Variants in ZNF827 observed in about 807,000 individuals in gnomAD.
ZNF827 encodes zinc finger protein 827.
In ZNF827, 13 loss-of-function variants were observed where a neutral mutation model predicts 102.4. The observed-to-expected ratio is 0.13, with a 90% CI of 0.08 to 0.20. The LOEUF is 0.20. Among genes scored for constraint, ZNF827 ranks in the 10% least tolerant of loss-of-function variants. The pLI is 1.00. For missense variants in ZNF827, 1,103 were observed against 1,344.4 expected, an observed-to-expected ratio of 0.82 and a Z score of 2.81; for synonymous variants, 523 against 536.2, an observed-to-expected ratio of 0.98 and a Z score of 0.34.
chr4:145,871,103 G>T (rs1199508975), intron 4 of ZNF827, among the ~76,000 whole-genome samples: 3 of 151,814 alleles, frequency 2.0e-5, no homozygotes, highest in African/African-American at 4.8e-5. Flanking sequence ...GTCCAAAATG[G>T]CCTTTTTTTT....
chr4:145,823,394 A>C (rs1320188335), intron 8 of ZNF827, 28 bp downstream of exon 8: 3 of 1,572,936 alleles, frequency 1.9e-6, no homozygotes, highest in Non-Finnish European at 2.6e-6. Context: ...AATCAACAGT[A>C]GAAGCAAAGC....
At position 145,938,503 on chromosome 4, in the gene ZNF827, T is replaced by C. The variant is rs1025091714; in HGVS notation, c.-96A>G. On this transcript the variant is annotated 5_prime_UTR_variant, in exon 1 of 15. Transcript: ENST00000508784. Reference sequence around the variant, plus strand: ...GCAGACACTGGCAGGAGCGGGGAGGTAGTTGGGGGGCGGGCGGGCGGGCAG... The same window carrying C: ...GCAGACACTGGCAGGAGCGGGGAGGCAGTTGGGGGGCGGGCGGGCGGGCAG... The C allele has an allele frequency of 6.1e-5, 4 of 66,096 alleles. No homozygotes were observed. The highest frequency in any genetic ancestry group is 1.1e-4 in the Non-Finnish European group (4 of 34,786). The allele number at this position is 66,096 out of a possible 1,614,324, so 4.1% of individuals were successfully genotyped here.
chr4:145,798,935 C>T (rs1350036740), intron 8 of ZNF827, among the ~76,000 whole-genome samples: 1 of 152,158 alleles, frequency 6.6e-6, no homozygotes, highest in Non-Finnish European at 1.5e-5. Context: ...TGGGACCAAA[C>T]CAGAAATCTC....
At chr4:145,782,251 T>C (rs1738180626) in intron 8 of ZNF827, among the ~76,000 whole-genome samples, 1 of 152,120 alleles carries the variant, frequency 6.6e-6, no homozygotes, top group Non-Finnish European at 1.5e-5. Context: ...GAACATGACC[T>C]CGAAATCACG....
chr4:145,884,494 G>A (rs535482971), intron 4 of ZNF827, among the ~76,000 whole-genome samples: 7 of 152,118 alleles, frequency 4.6e-5, no homozygotes, highest in Non-Finnish European at 1.0e-4. Context: ...GGAAATCATC[G>A]TGGGGACTTC....
At chr4:145,924,295 A>C (rs1753273109) in intron 1 of ZNF827, among the ~76,000 whole-genome samples, 1 of 152,226 alleles carries the variant, frequency 6.6e-6, no homozygotes, top group Admixed American at 6.5e-5. Flanking sequence ...AGAATACACA[A>C]ACAAGTTCAA....
rs532032413 is a variant in ZNF827 at position 145,914,776 on chromosome 4, G to T, written c.44-11561C>A. On this transcript the variant is annotated intron_variant, in intron 1 of 14. Transcript: ENST00000508784. ...TAATTCTCTTTGAAGAATCCTGAAG[G>T]TGTACCTTCCTTTCTTCTCAGGCAT... 2.0e-5 allele frequency among the ~76,000 whole-genome samples: 3 copies of T among 152,276 alleles called. No homozygotes were observed. The South Asian group carries it at 6.2e-4, about 32-fold the overall frequency.
At chr4:145,911,139 G>GA (rs1752259213) in intron 1 of ZNF827, among the ~76,000 whole-genome samples, 2 of 152,300 alleles carry the variant, frequency 1.3e-5, no homozygotes, top group South Asian at 4.1e-4. Context: ...ATGGAACAGG[G>GA]AAAAAGCCTG....
chr4:145,865,008 G>C (rs1748056005), intron 5 of ZNF827, among the ~76,000 whole-genome samples: 1 of 152,190 alleles, frequency 6.6e-6, no homozygotes. Flanking sequence ...TTTGCTCTGA[G>C]AAATTATTAA....
chr4:145,870,230 G>C lies in ZNF827; in HGVS notation c.1981+15C>G, dbSNP rs1329864181. On this transcript the variant is annotated intron_variant, in intron 5 of 14. Transcript: ENST00000508784. ...AAACTATCAGAATGTGAATATTTTA[G>C]AATAAATCAAGTACCTGAGAGTTTC... The C allele has an allele frequency of 6.2e-7, 1 of 1,611,526 alleles. No individual in the cohort carries two copies. The highest frequency in any genetic ancestry group is 2.2e-5 in the East Asian group (1 of 44,792).
chr4:145,771,155 T>C (rs1736221316), intron 11 of ZNF827: 1 of 152,240 alleles, frequency 6.6e-6, no homozygotes, highest in Non-Finnish European at 1.5e-5. Flanking sequence ...CTCTATGTAG[T>C]AAATATATTA....
At chr4:145,845,913 C>T (rs777905772) in intron 7 of ZNF827, 43 bp downstream of exon 7, 33 of 1,608,058 alleles carry the variant, frequency 2.1e-5, no homozygotes, top group Non-Finnish European at 2.7e-5. Context: ...GGGCTGGTGG[C>T]CCACACGGGG....
Position 145,765,310 on chromosome 4 carries a change from G to T in ZNF827, c.3053-145C>A. The T allele has an allele frequency of 9.8e-7, 1 of 1,019,382 alleles. No individual in the cohort carries two copies. The highest frequency in any genetic ancestry group is 1.4e-6 in the Non-Finnish European group (1 of 717,934). The allele number at this position is 1,019,382 out of a possible 1,614,324, so 63.1% of individuals were successfully genotyped here. ...TCCAGGCACTGTTCCCCATATCTCT[G>T]TGCTAAAAGGAGTTAAATGTACAAA... On this transcript the variant is annotated intron_variant, in intron 12 of 14. Transcript: ENST00000508784. The surrounding 1 kb of genome is among the most constrained non-coding windows in gnomAD (Gnocchi z 4.7).
intron 8 of ZNF827, among the ~76,000 whole-genome samples, chr4:145,781,382 T>G (rs1438448404): frequency 1.3e-5 from 2 of 152,064 alleles, no homozygotes; most frequent in African/African-American, 2.4e-5. Context: ...CTGGAATGAT[T>G]TGCCAGATAG....
chr4:145,786,579 T>C (rs568819915), intron 8 of ZNF827, among the ~76,000 whole-genome samples: 25 of 152,204 alleles, frequency 1.6e-4, no homozygotes, highest in Non-Finnish European at 3.1e-4. Context: ...TAGTCTTGGA[T>C]AGGTTAAAAC....
At position 145,759,569 on chromosome 4, in the gene ZNF827, T is replaced by C. The variant is rs1734235096; in HGVS notation, c.*2047A>G. 1.3e-5 allele frequency: 2 copies of C among 152,300 alleles called. No homozygotes were observed. Among genetic ancestry groups the C allele is most frequent in the African/African-American group, 4.8e-5 (2 of 41,566 alleles). 9.4% of individuals were successfully genotyped at this position (152,300 alleles called of 1,614,324 possible). ...CTTGTCAGGGGCATAAACTGAACCA[T>C]AGGACTAAACAGCACCTTTTTGTTG... On this transcript the variant is annotated 3_prime_UTR_variant, in exon 15 of 15. Coordinates refer to ENST00000508784, the MANE Select transcript of ZNF827 (RefSeq NM_001306215.2).
intron 11 of ZNF827, among the ~76,000 whole-genome samples, chr4:145,766,719 A>G (rs552532815): frequency 9.2e-5 from 14 of 152,334 alleles, no homozygotes; most frequent in African/African-American, 3.4e-4. Flanking sequence ...TTGGAGGGGG[A>G]AAAGCCACCT....
intron 13 of ZNF827, 158 bp downstream of exon 13, chr4:145,764,830 A>T: frequency 1.1e-6 from 1 of 943,528 alleles, no homozygotes; most frequent in Non-Finnish European, 1.7e-6. Flanking sequence ...GTCTAATTCA[A>T]TCCAGCTAAA....
chr4:145,819,646 A>C (rs996162684), intron 8 of ZNF827, among the ~76,000 whole-genome samples: 1 of 152,148 alleles, frequency 6.6e-6, no homozygotes, highest in Non-Finnish European at 1.5e-5. Context: ...AAGCTCTTTT[A>C]TTTCTTTTGT....
Sources: allele counts gnomAD v4.1 joint callset (sites outside exome capture counted in the v4.1 genomes callset), GRCh38; gene constraint gnomAD v4.1.1; non-coding constraint Gnocchi (gnomAD v3.1); transcripts MANE v1.5; gene names NCBI Gene and HGNC (gene_info 2026-07-23, HGNC 2026-07-21).